Variants in WIPF2 observed in about 807,000 individuals in gnomAD.
The protein encoded by WIPF2 is WAS/WASL interacting protein family member 2.
Under a neutral mutation model 38.8 loss-of-function variants are expected in WIPF2, and 23 were observed. The observed-to-expected ratio is 0.59, with a 90% CI of 0.43 to 0.84. The LOEUF (loss-of-function observed/expected upper bound fraction) is 0.84, where lower values mean the gene tolerates loss of function less well. Ranked by LOEUF, WIPF2 falls within the 40% of genes least tolerant of loss-of-function variation. WIPF2 has a pLI of 0.00. For synonymous variants in WIPF2, 210 were observed against 223.2 expected (o/e 0.94, Z 0.53); for missense variants, 574 against 580.5 (o/e 0.99, Z 0.11).
Position 40,283,850 on chromosome 17 carries a change from T to C in WIPF2, c.*5625T>C, listed in dbSNP as rs948124957. ...ATTCAACCAGACATTCTCTCCTTAC[T>C]GTGGTCAGCTGACATCATAACCACT... On this transcript the variant is annotated 3_prime_UTR_variant, in exon 8 of 8. Coordinates refer to ENST00000323571, the MANE Select transcript of WIPF2 (RefSeq NM_133264.5). The C allele has an allele frequency of 3.3e-5, 5 of 152,228 alleles. No homozygotes were observed. Among genetic ancestry groups the C allele is most frequent in the Non-Finnish European group, 4.4e-5 (3 of 68,044 alleles). The allele number at this position is 152,228 out of a possible 1,614,324, so 9.4% of individuals were successfully genotyped here.
At position 40,282,124 on chromosome 17, in the gene WIPF2, A is replaced by AG; in HGVS notation, c.*3899_*3900insG. 6.6e-6 allele frequency: 1 copy of AG among 151,736 alleles called. No individual in the cohort carries two copies. 9.4% of individuals were successfully genotyped at this position (151,736 alleles called of 1,614,324 possible). ...CAAAACCACACGCAAAAAAAAAAAA[A>AG]AAAAAAAAAAGGATAACTTTAACCG... On this transcript the variant is annotated 3_prime_UTR_variant, in exon 8 of 8. Coordinates refer to ENST00000323571, the MANE Select transcript of WIPF2 (RefSeq NM_133264.5).
intron 1 of WIPF2, among the ~76,000 whole-genome samples, chr17:40,243,166 G>A (rs540005615): frequency 6.6e-6 from 1 of 152,260 alleles, no homozygotes; most frequent in East Asian, 1.9e-4. Flanking sequence ...ACATAAGGTA[G>A]TATATGAAGG....
chr17:40,229,499 C>T (rs1171732123), intron 1 of WIPF2, among the ~76,000 whole-genome samples: 1 of 151,948 alleles, frequency 6.6e-6, no homozygotes, highest in African/African-American at 2.4e-5. Context: ...CTTGGCTCAC[C>T]GCAACCTCTG....
At position 40,282,305 on chromosome 17, in the gene WIPF2, C is replaced by T. The variant is rs2032567043; in HGVS notation, c.*4080C>T. ...TTGTTTCTGGCAATTTAGTGGGTTC[C>T]TTCTCTAGTGGTCTTAAATCTCATT... is the stretch of plus-strand genomic sequence containing the variant. On this transcript the variant is annotated 3_prime_UTR_variant, in exon 8 of 8. Transcript: ENST00000323571. 1 of 152,022 alleles carries T rather than the reference C, an allele frequency of 6.6e-6. No individual in the cohort carries two copies. Among genetic ancestry groups the T allele is most frequent in the African/African-American group, 2.4e-5 (1 of 41,370 alleles). 9.4% of individuals were successfully genotyped at this position (152,022 alleles called of 1,614,324 possible).
chr17:40,235,420 C>T (rs2030927090), intron 1 of WIPF2, among the ~76,000 whole-genome samples: 1 of 152,068 alleles, frequency 6.6e-6, no homozygotes, highest in Non-Finnish European at 1.5e-5. Context: ...TCTTTTCCTT[C>T]CTTCCCTTTT....
chr17:40,268,376 T>C (rs1024839047), intron 5 of WIPF2, among the ~76,000 whole-genome samples: 22 of 151,284 alleles, frequency 1.5e-4, no homozygotes, highest in Admixed American at 3.3e-4. Flanking sequence ...CAGGTTTGAC[T>C]TTTTTTTTAA....
intron 1 of WIPF2, among the ~76,000 whole-genome samples, chr17:40,232,645 CTT>C (rs879266407): frequency 1.4e-5 from 2 of 140,186 alleles, no homozygotes; most frequent in Admixed American, 7.2e-5. Context: ...ATTAATTTCT[CTT>C]TTTTTTTTTT....
chr17:40,275,608 A>C (rs545189066), intron 6 of WIPF2, among the ~76,000 whole-genome samples: 1 of 152,138 alleles, frequency 6.6e-6, no homozygotes, highest in African/African-American at 2.4e-5. Context: ...TTGTCATCCA[A>C]GCTGGAGTGC....
intron 1 of WIPF2, among the ~76,000 whole-genome samples, chr17:40,253,578 G>A (rs960508120): frequency 2.6e-5 from 4 of 152,152 alleles, no homozygotes; most frequent in Non-Finnish European, 5.9e-5. Flanking sequence ...TTAAAGCCTC[G>A]TATGTTAAAC....
intron 1 of WIPF2, among the ~76,000 whole-genome samples, chr17:40,253,172 C>T (rs2031613347): frequency 6.6e-6 from 1 of 151,528 alleles, no homozygotes; most frequent in African/African-American, 2.4e-5. Flanking sequence ...ACGCCATTCT[C>T]CTGCCTCAGG....
At chr17:40,224,537 C>T (rs979756468) in intron 1 of WIPF2, among the ~76,000 whole-genome samples, 4 of 151,840 alleles carry the variant, frequency 2.6e-5, no homozygotes, top group South Asian at 2.1e-4. Flanking sequence ...TGAGCCACCG[C>T]GCCCGGCCCA....
At chr17:40,261,220 G>C (rs538674417) in intron 3 of WIPF2, among the ~76,000 whole-genome samples, 6 of 152,060 alleles carry the variant, frequency 3.9e-5, no homozygotes, top group Admixed American at 3.9e-4. Flanking sequence ...CTCACGTATT[G>C]GTCCCTGATT....
intron 1 of WIPF2, among the ~76,000 whole-genome samples, chr17:40,225,466 G>A (rs1379523278): frequency 6.6e-6 from 1 of 152,130 alleles, no homozygotes; most frequent in African/African-American, 2.4e-5. Flanking sequence ...AGAGCCTGCA[G>A]AAGTATGTAA....
chr17:40,242,826 A>C (rs574778273), intron 1 of WIPF2, among the ~76,000 whole-genome samples: 4 of 152,196 alleles, frequency 2.6e-5, no homozygotes, highest in Non-Finnish European at 5.9e-5. Flanking sequence ...GATTTACTGC[A>C]GTTGACTATT....
intron 5 of WIPF2, among the ~76,000 whole-genome samples, chr17:40,269,709 A>G (rs1016198152): frequency 1.5e-5 from 2 of 135,254 alleles, no homozygotes; most frequent in African/African-American, 5.6e-5. Context: ...GGTTCACGCC[A>G]TTCTCCTGCC....
chr17:40,252,071 A>G (rs1167478728), intron 1 of WIPF2, among the ~76,000 whole-genome samples: 2 of 152,180 alleles, frequency 1.3e-5, no homozygotes, highest in Non-Finnish European at 2.9e-5. Context: ...ATTATAGGCA[A>G]GCGCCACTGA....
intron 5 of WIPF2, among the ~76,000 whole-genome samples, chr17:40,266,124 G>A (rs2032077876): frequency 6.6e-6 from 1 of 151,614 alleles, no homozygotes; most frequent in Non-Finnish European, 1.5e-5. Context: ...TAGATAAGAA[G>A]AGGCCTAGGA....
intron 2 of WIPF2, among the ~76,000 whole-genome samples, chr17:40,259,384 G>T (rs560270681): frequency 6.6e-6 from 1 of 150,954 alleles, no homozygotes; most frequent in Non-Finnish European, 1.5e-5. Flanking sequence ...GCAGTGAGCC[G>T]AGATCGCACC....
intron 1 of WIPF2, among the ~76,000 whole-genome samples, chr17:40,245,123 A>G (rs911069526): frequency 6.6e-6 from 1 of 152,184 alleles, no homozygotes; most frequent in Non-Finnish European, 1.5e-5. Flanking sequence ...ATCTCTAAAA[A>G]ATAAATAAGT....
Sources: allele counts gnomAD v4.1 joint callset (sites outside exome capture counted in the v4.1 genomes callset), GRCh38; gene constraint gnomAD v4.1.1; transcripts MANE v1.5; gene names NCBI Gene and HGNC (gene_info 2026-07-23, HGNC 2026-07-21).